CDH18: variants seen among roughly 807,000 people sequenced by gnomAD.
CDH18 encodes the protein cadherin 18.
CDH18 carries 31 observed loss-of-function variants against 67.9 expected under a neutral mutation model. The observed-to-expected ratio is 0.46, with a 90% CI of 0.34 to 0.62. The LOEUF is 0.62. Ranked by LOEUF, CDH18 falls within the 20% of genes least tolerant of loss-of-function variation. The probability of loss-of-function intolerance (pLI) is 0.01; values close to 1 mark genes in which losing one functional copy is unlikely to be tolerated. For missense variants in CDH18, 890 were observed against 975.5 expected (o/e 0.91, Z 1.17); for synonymous variants, 362 against 347.2 (o/e 1.04, Z -0.48).
At chr5:19,762,645 C>G (rs541206560) in intron 3 of CDH18, among the ~76,000 whole-genome samples, 1 of 151,920 alleles carries the variant, frequency 6.6e-6, no homozygotes, top group Non-Finnish European at 1.5e-5. Flanking sequence ...TTTACACTGT[C>G]GGTGGGAGTG....
At position 19,964,706 on chromosome 5, in the gene CDH18, T is replaced by A. The variant is rs532627283; in HGVS notation, c.-257+16354A>T. ...GACCTTGAATGTAAATTCTGAGGTA[T>A]AATATGGAACTATGTATTTAGAACC... On this transcript the variant is annotated intron_variant, in intron 2 of 12. Transcript: ENST00000382275. 2.7e-5 allele frequency among the ~76,000 whole-genome samples: 4 copies of A among 149,738 alleles called. No individual in the cohort carries two copies. The East Asian group carries it at 5.8e-4, about 22-fold the overall frequency.
At chr5:20,246,481 G>GA (rs1274211192) in intron 2 of CDH18, among the ~76,000 whole-genome samples, 1 of 152,116 alleles carries the variant, frequency 6.6e-6, no homozygotes, top group Non-Finnish European at 1.5e-5. Context: ...CTCTTGGCAG[G>GA]AAAAAATTCA....
chr5:20,339,986 G>A (rs1023288906), intron 1 of CDH18, among the ~76,000 whole-genome samples: 4 of 152,232 alleles, frequency 2.6e-5, no homozygotes, highest in Admixed American at 1.3e-4. Context: ...CAGTGCCCTT[G>A]GAGGACTCTA....
At chr5:19,656,642 G>T (rs1247721885) in intron 5 of CDH18, among the ~76,000 whole-genome samples, 1 of 152,000 alleles carries the variant, frequency 6.6e-6, no homozygotes, top group African/African-American at 2.4e-5. Context: ...GTGCAAACAA[G>T]CAAACAAAGA....
At position 20,370,757 on chromosome 5, in the gene CDH18, A is replaced by T. The variant is rs547590432; in HGVS notation, c.-579-115252T>A. Among the ~76,000 whole-genome samples, 5 of 152,196 alleles carry T rather than the reference A, an allele frequency of 3.3e-5. No homozygotes were observed. In the South Asian group the frequency reaches 1.0e-3, roughly 32 times the overall value. ...GTGTTACTAGTTAGAAGACTGTGGC[A>T]GCTGGGCACAGTGGCTCGCGCCTGT... On this transcript the variant is annotated intron_variant, in intron 1 of 14. Transcript: ENST00000507958.
At chr5:19,686,713 G>A (rs1472298829) in intron 5 of CDH18, among the ~76,000 whole-genome samples, 1 of 152,094 alleles carries the variant, frequency 6.6e-6, no homozygotes, top group Non-Finnish European at 1.5e-5. Context: ...AAGATTTACA[G>A]CTGAACTCAT....
intron 2 of CDH18, among the ~76,000 whole-genome samples, chr5:19,902,606 C>T (rs4866161): frequency 0.49 from 74,090 of 151,700 alleles, 18,246 homozygotes; most frequent in Middle Eastern, 0.64. Context: ...CAATCTTGTG[C>T]GAGATTTCTC....
At chr5:19,843,193 T>C (rs886806504) in intron 2 of CDH18, among the ~76,000 whole-genome samples, 1 of 152,116 alleles carries the variant, frequency 6.6e-6, no homozygotes, top group Non-Finnish European at 1.5e-5. Context: ...TCCCCTCCCA[T>C]CTAAGGCCCA....
intron 5 of CDH18, among the ~76,000 whole-genome samples, chr5:19,657,238 G>A (rs1315354003): frequency 6.6e-6 from 1 of 151,958 alleles, no homozygotes; most frequent in Non-Finnish European, 1.5e-5. Context: ...GAGGGAATGT[G>A]ATAGAACAAA....
rs1452745002 is a variant in CDH18, at chr5:19,785,705, T to A, written c.229-38469A>T. 1.2e-3 allele frequency among the ~76,000 whole-genome samples: 111 copies of A among 90,914 alleles called. 1 individual carries two copies. The highest frequency in any genetic ancestry group is 1.4e-3 in the Non-Finnish European group (69 of 48,448). 59.6% of individuals were successfully genotyped at this position (90,914 alleles called of 152,430 possible). A position where few individuals can be genotyped will look rare whatever the true frequency, so the allele number is the denominator to read the frequency against. On this transcript the variant is annotated intron_variant, in intron 3 of 12. Transcript: ENST00000382275. Reference sequence around the variant, plus strand: ...ATATATATATATATATATATATATATATATATATATATATATATATGCATG... The same window carrying A: ...ATATATATATATATATATATATATAAATATATATATATATATATATGCATG...
intron 2 of CDH18, among the ~76,000 whole-genome samples, chr5:19,905,771 A>G (rs776028290): frequency 6.6e-6 from 1 of 152,038 alleles, no homozygotes; most frequent in Non-Finnish European, 1.5e-5. Context: ...TTTAAAAATC[A>G]GAAAAAAAAT....
chr5:20,570,177 CTTAAG>C (rs1278658511), intron 1 of CDH18, among the ~76,000 whole-genome samples: 4 of 152,082 alleles, frequency 2.6e-5, no homozygotes, highest in African/African-American at 7.2e-5. Context: ...AAACTATGAA[CTTAAG>C]TTAATAATGG....
chr5:20,568,375 T>C (rs549424879), intron 1 of CDH18, among the ~76,000 whole-genome samples: 12 of 152,298 alleles, frequency 7.9e-5, no homozygotes, highest in Admixed American at 7.8e-4. Context: ...AAATGTTCTG[T>C]CACTTAGATT....
intron 3 of CDH18, among the ~76,000 whole-genome samples, chr5:19,837,812 G>T (rs1028414176): frequency 2.7e-4 from 41 of 152,198 alleles, no homozygotes; most frequent in African/African-American, 9.4e-4. Flanking sequence ...TCAATCGGGG[G>T]ATAGAAGCCA....
intron 1 of CDH18, among the ~76,000 whole-genome samples, chr5:20,498,582 T>G (rs1754050115): frequency 6.6e-6 from 1 of 152,136 alleles, no homozygotes; most frequent in Admixed American, 6.6e-5. Context: ...TCACAGTGAT[T>G]ATGATTTTTC....
intron 1 of CDH18, among the ~76,000 whole-genome samples, chr5:20,370,653 C>T (rs1017160054): frequency 6.6e-6 from 1 of 152,084 alleles, no homozygotes; most frequent in African/African-American, 2.4e-5. Flanking sequence ...GAGAGAATGC[C>T]ATACTTAGAT....
Position 19,767,119 on chromosome 5 carries a change from A to G in CDH18, c.229-19883T>C, listed in dbSNP as rs1018878832. 1.8e-4 allele frequency among the ~76,000 whole-genome samples: 27 copies of G among 152,050 alleles called. 1 individual carries two copies. Among genetic ancestry groups the G allele is most frequent in the Non-Finnish European group, 2.8e-4 (19 of 68,004 alleles). ...AAAAAACACAAAAATGTGTAAAAAT[A>G]TTAAAATAATACCAGGAGAAAACTT... On this transcript the variant is annotated intron_variant, in intron 3 of 12. Transcript: ENST00000382275.
chr5:20,397,765 G>A (rs1745404578), intron 1 of CDH18, among the ~76,000 whole-genome samples: 1 of 152,034 alleles, frequency 6.6e-6, no homozygotes, highest in Admixed American at 6.6e-5. Flanking sequence ...ATTTCAACAT[G>A]TAACCAACAT....
chr5:19,543,161 T>C (rs751897741), intron 9 of CDH18, among the ~76,000 whole-genome samples: 1 of 152,158 alleles, frequency 6.6e-6, no homozygotes, highest in Non-Finnish European at 1.5e-5. Context: ...TTAAAAAAAC[T>C]TTATTGTTAT....
Sources: gnomAD v4.1 joint callset for allele counts (sites outside exome capture counted in the v4.1 genomes callset) on GRCh38, gnomAD v4.1.1 for gene constraint, MANE v1.5 for transcripts, NCBI Gene and HGNC (gene_info 2026-07-23, HGNC 2026-07-21) for gene names.